SCN1A: variants seen among roughly 807,000 people sequenced by gnomAD.
SCN1A encodes sodium voltage-gated channel alpha subunit 1.
Under a neutral mutation model 193.7 loss-of-function variants are expected in SCN1A, and 13 were observed. The observed-to-expected ratio is 0.07, with a 90% CI of 0.04 to 0.11. The LOEUF is 0.11. Among genes scored for constraint, SCN1A ranks in the 10% least tolerant of loss-of-function variants. The pLI is 1.00. For missense variants in SCN1A, 1,432 were observed against 2,451.1 expected (o/e 0.58, Z 8.78); for synonymous variants, 781 against 843.6 (o/e 0.93, Z 1.29).
intron 26 of SCN1A, 65 bp from the exon 27 acceptor site, chr2:165,996,182 A>C: frequency 1.0e-6 from 1 of 970,858 alleles, no homozygotes; most frequent in Non-Finnish European, 1.6e-6. Context: ...TCAATGTTAA[A>C]ATAGAAAATG....
chr2:166,084,351 C>T (rs1440528484), intron 2 of SCN1A, among the ~76,000 whole-genome samples: 2 of 151,074 alleles, frequency 1.3e-5, no homozygotes, highest in Non-Finnish European at 2.9e-5. Context: ...AAACCATGGT[C>T]TAGAAGTAAC....
chr2:166,024,190 C>T (rs1694444119), intron 19 of SCN1A, among the ~76,000 whole-genome samples: 1 of 152,040 alleles, frequency 6.6e-6, no homozygotes, highest in Non-Finnish European at 1.5e-5. Context: ...TGCGCCACTG[C>T]ACTCTGGCGT....
chr2:166,065,512 G>GA (rs1446936225), intron 4 of SCN1A, among the ~76,000 whole-genome samples: 2 of 152,090 alleles, frequency 1.3e-5, no homozygotes, highest in East Asian at 3.9e-4. Flanking sequence ...TTCAAGCCAA[G>GA]CTTTTCTTCC....
In SCN1A at chr2:166,094,717, A is replaced by G. The variant is rs1374570302; in HGVS notation, c.-141-16916T>C. Among the ~76,000 whole-genome samples the G allele has an allele frequency of 2.5e-4, 38 of 152,232 alleles. 1 individual carries two copies. The highest frequency in any genetic ancestry group is 2.9e-5 in the Non-Finnish European group (2 of 68,034). On this transcript the variant is annotated intron_variant, in intron 2 of 28. Coordinates refer to ENST00000674923, the MANE Select transcript of SCN1A (RefSeq NM_001165963.4). ...TAGAATTTAACAACAACAAAAGATC[A>G]TTAAATACCAATCAACCAAACAACC...
chr2:166,056,351 A>G, intron 6 of SCN1A, 60 bp downstream of exon 6: 1 of 1,051,530 alleles, frequency 9.5e-7, no homozygotes, highest in Non-Finnish European at 1.5e-6. Context: ...AGACTACATT[A>G]AGACACAGTT....
chr2:166,013,334 T>C (rs189546594), intron 21 of SCN1A, among the ~76,000 whole-genome samples: 1 of 151,494 alleles, frequency 6.6e-6, no homozygotes, highest in African/African-American at 2.4e-5. Flanking sequence ...AAGGACTTAC[T>C]ACTGTCCATC....
intron 24 of SCN1A, among the ~76,000 whole-genome samples, chr2:166,001,950 C>A (rs1045778797): frequency 7.1e-6 from 1 of 140,502 alleles, no homozygotes; most frequent in Non-Finnish European, 1.5e-5. Flanking sequence ...AGTGCAGTGG[C>A]ACCCACCGCT....
At chr2:166,024,548 A>G (rs1694489018) in intron 19 of SCN1A, among the ~76,000 whole-genome samples, 1 of 152,214 alleles carries the variant, frequency 6.6e-6, no homozygotes, top group African/African-American at 2.4e-5. Flanking sequence ...CCAAATTGAA[A>G]AGCAGAAATT....
chr2:166,054,381 G>A (rs1698913650), intron 7 of SCN1A, among the ~76,000 whole-genome samples: 1 of 151,996 alleles, frequency 6.6e-6, no homozygotes, highest in Non-Finnish European at 1.5e-5. Flanking sequence ...TTGTGCATGT[G>A]TGTGTGGAAG....
intron 2 of SCN1A, among the ~76,000 whole-genome samples, chr2:166,122,087 A>C (rs550759991): frequency 1.3e-4 from 20 of 152,316 alleles, no homozygotes; most frequent in Non-Finnish European, 2.6e-4. Flanking sequence ...GAACTGTGAT[A>C]AATACTGTTA....
chr2:166,108,066 C>CAT (rs989275433), intron 2 of SCN1A, among the ~76,000 whole-genome samples: 75 of 150,912 alleles, frequency 5.0e-4, no homozygotes, highest in Admixed American at 8.6e-4. Flanking sequence ...TTGTATCTGG[C>CAT]ATATATATAT....
At chr2:166,113,014 C>T (rs147295838) in intron 2 of SCN1A, among the ~76,000 whole-genome samples, 69 of 152,224 alleles carry the variant, frequency 4.5e-4, no homozygotes, top group South Asian at 2.7e-3. Context: ...GCTGTTGTAG[C>T]ACATTATTGA....
intron 23 of SCN1A, among the ~76,000 whole-genome samples, chr2:166,008,947 A>G (rs1027697417): frequency 1.3e-5 from 2 of 150,968 alleles, no homozygotes; most frequent in African/African-American, 4.8e-5. Context: ...ATAATGGCAA[A>G]ATTTCTAATC....
Position 165,989,331 on chromosome 2 carries a change from T to C in SCN1A, c.*1914A>G, listed in dbSNP as rs1267680107. 6.6e-6 allele frequency: 1 copy of C among 152,484 alleles called. No individual in the cohort carries two copies. Among genetic ancestry groups the C allele is most frequent in the East Asian group, 1.9e-4 (1 of 5,168 alleles). The allele number at this position is 152,484 out of a possible 1,614,324, so 9.4% of individuals were successfully genotyped here. A position where few individuals can be genotyped will look rare whatever the true frequency, so the allele number is the denominator to read the frequency against. On this transcript the variant is annotated 3_prime_UTR_variant, in exon 29 of 29. Transcript: ENST00000674923. ...CTTCTGTAAGAAACACAAAATGTCCTGATGTAATTGACTATATAAGTTGAC... is the reference window on the plus strand; with the variant it reads ...CTTCTGTAAGAAACACAAAATGTCCCGATGTAATTGACTATATAAGTTGAC...
At chr2:166,054,275 T>G (rs1306586965) in intron 7 of SCN1A, among the ~76,000 whole-genome samples, 1 of 152,006 alleles carries the variant, frequency 6.6e-6, no homozygotes, top group Non-Finnish European at 1.5e-5. Flanking sequence ...AATAGAACTG[T>G]TTTGTGGCTG....
chr2:165,995,784 A>G (rs577937253), intron 27 of SCN1A, among the ~76,000 whole-genome samples: 5 of 151,756 alleles, frequency 3.3e-5, no homozygotes, highest in African/African-American at 1.2e-4. Flanking sequence ...GTGCTTCTAA[A>G]TCTCTTGAAG....
intron 2 of SCN1A, among the ~76,000 whole-genome samples, chr2:166,090,862 T>A (rs1686728601): frequency 6.6e-6 from 1 of 152,246 alleles, no homozygotes; most frequent in Admixed American, 6.5e-5. Flanking sequence ...TTCTTGTTTG[T>A]TAATCCTAAT....
intron 23 of SCN1A, among the ~76,000 whole-genome samples, chr2:166,004,397 G>C (rs1396587391): frequency 6.6e-6 from 1 of 151,272 alleles, no homozygotes; most frequent in South Asian, 2.1e-4. Flanking sequence ...CCTATTTCTC[G>C]ATTTTCTTTT....
At chr2:166,111,476 G>A (rs1184133385) in intron 2 of SCN1A, among the ~76,000 whole-genome samples, 3 of 151,862 alleles carry the variant, frequency 2.0e-5, no homozygotes, top group African/African-American at 7.3e-5. Context: ...TATTACCGCT[G>A]ACTGACAATG....
Sources: gnomAD v4.1 joint callset for allele counts (sites outside exome capture counted in the v4.1 genomes callset) on GRCh38, gnomAD v4.1.1 for gene constraint, MANE v1.5 for transcripts, NCBI Gene and HGNC (gene_info 2026-07-23, HGNC 2026-07-21) for gene names.